Variants in CACNA1C observed in about 807,000 individuals in gnomAD.
CACNA1C encodes the protein calcium voltage-gated channel subunit alpha1 C.
A neutral mutation model predicts 229.0 loss-of-function variants in CACNA1C; 30 were observed. The observed-to-expected ratio is 0.13, with a 90% CI of 0.10 to 0.18. The LOEUF is 0.18. Among genes scored for constraint, CACNA1C ranks in the 10% least tolerant of loss-of-function variants. The probability of loss-of-function intolerance (pLI) is 1.00; values close to 1 mark genes in which losing one functional copy is unlikely to be tolerated. For synonymous variants in CACNA1C, 1,114 were observed against 1,132.5 expected, an observed-to-expected ratio of 0.98 and a Z score of 0.33; for missense variants, 1,658 against 2,845.0, an observed-to-expected ratio of 0.58 and a Z score of 9.49.
At chr12:2,013,972 G>A (rs1172638922) in intron 1 of CACNA1C, among the ~76,000 whole-genome samples, 1 of 152,128 alleles carries the variant, frequency 6.6e-6, no homozygotes, top group Non-Finnish European at 1.5e-5. Flanking sequence ...ATTGTTTTCT[G>A]TTTTCCTTGA....
chr12:2,142,615 G>A (rs765656959), intron 3 of CACNA1C, among the ~76,000 whole-genome samples: 2 of 151,360 alleles, frequency 1.3e-5, no homozygotes, highest in African/African-American at 2.4e-5. Context: ...ACATGCAGCT[G>A]TGTATTATTT....
intron 18 of CACNA1C, among the ~76,000 whole-genome samples, chr12:2,588,481 C>T (rs2063566356): frequency 6.6e-6 from 1 of 152,218 alleles, no homozygotes; most frequent in Non-Finnish European, 1.5e-5. Context: ...CTGGGCTGTC[C>T]AGATTGCACC....
At chr12:2,288,985 G>A (rs897386723) in intron 3 of CACNA1C, 4 of 152,226 alleles carry the variant, frequency 2.6e-5, no homozygotes, top group Non-Finnish European at 5.9e-5. Flanking sequence ...GCTGCCGGTC[G>A]GGTTAAGAGG....
At chr12:2,240,496 C>T (rs2069508990) in intron 3 of CACNA1C, among the ~76,000 whole-genome samples, 1 of 152,210 alleles carries the variant, frequency 6.6e-6, no homozygotes, top group Admixed American at 6.5e-5. Flanking sequence ...ACTGATAGGG[C>T]TCCAGGCATG....
chr12:2,588,208 C>T (rs1016022406), intron 18 of CACNA1C, among the ~76,000 whole-genome samples: 7 of 152,200 alleles, frequency 4.6e-5, no homozygotes, highest in African/African-American at 1.4e-4. Flanking sequence ...CTTGTTCTCC[C>T]GAACCACGAA....
intron 21 of CACNA1C, among the ~76,000 whole-genome samples, chr12:2,599,622 A>G (rs1328932934): frequency 1.3e-5 from 2 of 152,176 alleles, no homozygotes; most frequent in African/African-American, 2.4e-5. Flanking sequence ...GCCACGTCCC[A>G]TTCCTTTCCT....
chr12:2,272,643 C>T (rs1196319734), intron 3 of CACNA1C, among the ~76,000 whole-genome samples: 2 of 152,178 alleles, frequency 1.3e-5, no homozygotes, highest in African/African-American at 4.8e-5. Flanking sequence ...AGAGCAGTCA[C>T]TCCAAGGCAG....
intron 1 of CACNA1C, among the ~76,000 whole-genome samples, chr12:2,097,377 A>C (rs1193941866): frequency 1.3e-5 from 2 of 151,870 alleles, no homozygotes; most frequent in Non-Finnish European, 2.9e-5. Flanking sequence ...CGATCTCCTG[A>C]CCTTGTGATC....
chr12:2,562,570 G>A (rs912111448), intron 11 of CACNA1C, among the ~76,000 whole-genome samples: 1 of 152,196 alleles, frequency 6.6e-6, no homozygotes, highest in African/African-American at 2.4e-5. Context: ...TTAGTATCAA[G>A]ATCTGGCAAA....
At chr12:2,549,644 G>A (rs548615188) in intron 9 of CACNA1C, among the ~76,000 whole-genome samples, 1 of 152,316 alleles carries the variant, frequency 6.6e-6, no homozygotes, top group East Asian at 1.9e-4. Context: ...AGAGTGGAGA[G>A]GAGAGATTCA....
At chr12:1,994,979 G>A (rs1486101701) in intron 1 of CACNA1C, among the ~76,000 whole-genome samples, 1 of 142,586 alleles carries the variant, frequency 7.0e-6, no homozygotes, top group African/African-American at 2.6e-5. Flanking sequence ...CAACATTCTA[G>A]GATCTGGGAG....
chr12:2,202,313 C>T (rs1474681750), intron 3 of CACNA1C, among the ~76,000 whole-genome samples: 3 of 152,210 alleles, frequency 2.0e-5, no homozygotes, highest in Non-Finnish European at 4.4e-5. Context: ...TTTGGGTGCA[C>T]AGGCTCTTAC....
chr12:2,255,041 T>C (rs556823883), intron 3 of CACNA1C, among the ~76,000 whole-genome samples: 1 of 152,258 alleles, frequency 6.6e-6, no homozygotes, highest in African/African-American at 2.4e-5. Context: ...TCCCCGCCCC[T>C]GTGAAGGGGC....
intron 3 of CACNA1C, among the ~76,000 whole-genome samples, chr12:2,394,323 C>T (rs2098537062): frequency 2.6e-5 from 4 of 152,148 alleles, no homozygotes; most frequent in African/African-American, 9.7e-5. Context: ...ATGATAAACG[C>T]AGGCTTTATA....
At chr12:2,406,309 A>C (rs1367475527) in intron 3 of CACNA1C, among the ~76,000 whole-genome samples, 2 of 152,170 alleles carry the variant, frequency 1.3e-5, no homozygotes. Flanking sequence ...TTTTGCTAAG[A>C]AATTTTCAGC....
Position 2,120,187 on chromosome 12 carries a change from T to C in CACNA1C, c.372-138T>C, listed in dbSNP as rs994301308. ...GCACTTAAAAAGGCATATGTTTCTT[T>C]TCAGAATACAAGGGGCTTGGAATGC... On this transcript the variant is annotated intron_variant, in intron 2 of 46. Coordinates refer to ENST00000399655, the MANE Select transcript of CACNA1C (RefSeq NM_000719.7). The C allele has an allele frequency of 1.3e-5, 9 of 669,282 alleles. 1 individual carries two copies. The African/African-American group carries it at 1.6e-4, about 12-fold the overall frequency. The allele number at this position is 669,282 out of a possible 1,614,324, so 41.5% of individuals were successfully genotyped here.
chr12:1,972,935 G>A (rs1441050187), intron 1 of CACNA1C, among the ~76,000 whole-genome samples: 1 of 152,204 alleles, frequency 6.6e-6, no homozygotes, highest in African/African-American at 2.4e-5. Context: ...GAGCAGCAAT[G>A]ACGCTGCCTG....
intron 1 of CACNA1C, among the ~76,000 whole-genome samples, chr12:2,070,589 A>G (rs1185416778): frequency 6.6e-6 from 1 of 152,200 alleles, no homozygotes; most frequent in African/African-American, 2.4e-5. Context: ...TCAGCAGTTT[A>G]AAGATATTCC....
chr12:2,094,963 C>T (rs117637574), intron 1 of CACNA1C, among the ~76,000 whole-genome samples: 1,842 of 152,308 alleles, frequency 0.012, 10 homozygotes, highest in Non-Finnish European at 0.019. Flanking sequence ...AGAACTTAGT[C>T]GATGGCTGCA....
Sources: allele counts gnomAD v4.1 joint callset (sites outside exome capture counted in the v4.1 genomes callset), GRCh38; gene constraint gnomAD v4.1.1; transcripts MANE v1.5; gene names NCBI Gene and HGNC (gene_info 2026-07-23, HGNC 2026-07-21).